The following CUX2 variants were observed in gnomAD, a reference collection of about 807,000 sequenced individuals.
The protein encoded by CUX2 is cut like homeobox 2, also known as homeobox protein cut-like 2.
Under a neutral mutation model 144.8 loss-of-function variants are expected in CUX2, and 40 were observed. The ratio of observed to expected loss-of-function variants is 0.28; its 90% confidence interval spans 0.21 to 0.36. The LOEUF (loss-of-function observed/expected upper bound fraction) is 0.36. CUX2 is among the 10% of genes least tolerant of loss of function. The pLI is 1.00. For synonymous variants in CUX2, 827 were observed against 875.6 expected, an observed-to-expected ratio of 0.94 and a Z score of 0.98; for missense variants, 1,615 against 1,994.0, an observed-to-expected ratio of 0.81 and a Z score of 3.62.
rs1487277544 is a variant in CUX2 at position 111,039,632 on chromosome 12, C to T, written c.63+5392C>T. ...TGCAATCTCAGCTCACTGCAACCTC[C>T]GCCTCCCGGGTTCACGTGATTCCCA... On this transcript the variant is annotated intron_variant, in intron 1 of 21. Coordinates refer to ENST00000261726, the MANE Select transcript of CUX2 (RefSeq NM_015267.4). The surrounding 1 kb of genome is among the most constrained non-coding windows in gnomAD (Gnocchi z 4.2). Among the ~76,000 whole-genome samples the T allele has an allele frequency of 2.0e-5, 3 of 152,164 alleles. No homozygotes were observed. Among genetic ancestry groups the T allele is most frequent in the African/African-American group, 4.8e-5 (2 of 41,440 alleles).
chr12:111,051,613 T>C (rs1294685035), intron 1 of CUX2, among the ~76,000 whole-genome samples: 1 of 152,172 alleles, frequency 6.6e-6, no homozygotes, highest in African/African-American at 2.4e-5. Context: ...TTTCCATCTG[T>C]TCATGCCTTT....
Position 111,197,233 on chromosome 12 carries a change from A to G in CUX2, c.64-16967A>G, listed in dbSNP as rs75156973. On this transcript the variant is annotated intron_variant, in intron 1 of 21. Transcript: ENST00000261726. ...GTGAGGCTCAGAGAATAATTCCTCT[A>G]AATCCCCTAGCTCAGTGCCTACCAC... is the stretch of plus-strand genomic sequence containing the variant. Among the ~76,000 whole-genome samples the G allele has an allele frequency of 4.0e-3, 604 of 152,352 alleles. 1 individual carries two copies. The highest frequency in any genetic ancestry group is 5.9e-3 in the Non-Finnish European group (404 of 68,034).
rs570560734 is a variant in CUX2, at chr12:111,202,184, G to A, written c.64-12016G>A. Reference sequence around the variant, plus strand: ...TTCCCCTGCCCCCATTTTGCCGGGGGAAGCACTCTCTGGCCTCTCACCCAG... The same window carrying A: ...TTCCCCTGCCCCCATTTTGCCGGGGAAAGCACTCTCTGGCCTCTCACCCAG... On this transcript the variant is annotated intron_variant, in intron 1 of 21. Coordinates refer to ENST00000261726, the MANE Select transcript of CUX2 (RefSeq NM_015267.4). 3.8e-4 allele frequency among the ~76,000 whole-genome samples: 58 copies of A among 152,306 alleles called. 1 individual carries two copies. Among genetic ancestry groups the A allele is most frequent in the Middle Eastern group, 3.4e-3 (1 of 294 alleles).
chr12:111,270,030 C>T (rs1010780061), intron 4 of CUX2, among the ~76,000 whole-genome samples: 2 of 152,148 alleles, frequency 1.3e-5, no homozygotes, highest in Admixed American at 6.5e-5. Context: ...TTAATGATTT[C>T]TTAGGGGAAT....
intron 1 of CUX2, among the ~76,000 whole-genome samples, chr12:111,193,260 C>T (rs893848047): frequency 1.3e-5 from 2 of 152,234 alleles, no homozygotes; most frequent in Non-Finnish European, 2.9e-5. Flanking sequence ...CCTGATTAGT[C>T]CCTCCAAATA....
intron 1 of CUX2, among the ~76,000 whole-genome samples, chr12:111,180,470 G>T (rs952001225): frequency 4.6e-5 from 7 of 152,204 alleles, no homozygotes; most frequent in Non-Finnish European, 1.5e-5. Context: ...GCCGCCAGCT[G>T]TCCCTGCAAA....
intron 1 of CUX2, among the ~76,000 whole-genome samples, chr12:111,140,802 C>T (rs1479420067): frequency 1.3e-5 from 2 of 152,230 alleles, no homozygotes; most frequent in Non-Finnish European, 2.9e-5. Flanking sequence ...CACTACCTCT[C>T]TGAGCTTCAG....
At chr12:111,095,647 G>A (rs1872772101) in intron 1 of CUX2, among the ~76,000 whole-genome samples, 1 of 152,108 alleles carries the variant, frequency 6.6e-6, no homozygotes, top group African/African-American at 2.4e-5. Context: ...GCATAGCAGT[G>A]CTCCCCTCCT....
chr12:111,300,884 A>T (rs1477437604), intron 9 of CUX2, among the ~76,000 whole-genome samples: 2 of 152,078 alleles, frequency 1.3e-5, no homozygotes, highest in African/African-American at 4.8e-5. Flanking sequence ...CAAAATATTT[A>T]AAAACTATCC....
At chr12:111,118,917 C>T (rs1874460613) in intron 1 of CUX2, among the ~76,000 whole-genome samples, 1 of 152,132 alleles carries the variant, frequency 6.6e-6, no homozygotes, top group South Asian at 2.1e-4. Flanking sequence ...TCCAAGCAAA[C>T]TCAGTGTGCA....
In CUX2 at chr12:111,334,644, T is replaced by C; in HGVS notation, c.3130T>C (p.Ser1044Pro). The change falls in exon 19 of 22, where the codon TCC becomes CCC. Residue 1044 changes from serine (S) to proline (P), a missense_variant. By Grantham distance (74) the Ser-to-Pro change is moderately conservative (BLOSUM62 -1). Coordinates refer to ENST00000261726, the MANE Select transcript of CUX2 (RefSeq NM_015267.4). ...PGGIQEIVAM[S>P]PELDTYSITK... is the part of the protein sequence containing the mutation. ...GGGCATCCAGGAGATCGTGGCCATG[T>C]CCCCCGAGCTGGACACGTACTCCAT... The C allele has an allele frequency of 6.2e-7, 1 of 1,613,894 alleles. No individual in the cohort carries two copies. Among genetic ancestry groups the C allele is most frequent in the Non-Finnish European group, 8.5e-7 (1 of 1,179,994 alleles).
At chr12:111,122,687 A>G (rs1472993042) in intron 1 of CUX2, among the ~76,000 whole-genome samples, 2 of 152,236 alleles carry the variant, frequency 1.3e-5, no homozygotes, top group Non-Finnish European at 2.9e-5. Context: ...AAGTCAGGGA[A>G]AAAAGTTATG....
intron 6 of CUX2, among the ~76,000 whole-genome samples, chr12:111,294,290 C>T (rs1592928776): frequency 6.6e-6 from 1 of 152,222 alleles, no homozygotes; most frequent in Non-Finnish European, 1.5e-5. Context: ...GTATTTTTAG[C>T]AGAGACAGGA....
chr12:111,257,733 C>T (rs1028556299), intron 3 of CUX2, among the ~76,000 whole-genome samples: 2 of 145,096 alleles, frequency 1.4e-5, no homozygotes, highest in Non-Finnish European at 3.0e-5. Flanking sequence ...TCTTCCTCTT[C>T]CTCCTCTTTC....
At chr12:111,162,800 C>T (rs906586636) in intron 1 of CUX2, among the ~76,000 whole-genome samples, 1 of 152,150 alleles carries the variant, frequency 6.6e-6, no homozygotes, top group Non-Finnish European at 1.5e-5. Context: ...AATCCCAGCA[C>T]TTTGGGAGGC....
At chr12:111,288,355 A>G (rs1011985900) in intron 4 of CUX2, among the ~76,000 whole-genome samples, 8 of 152,064 alleles carry the variant, frequency 5.3e-5, no homozygotes, top group African/African-American at 1.9e-4. Context: ...CAGCCCCATG[A>G]GGTTGCTACA....
intron 4 of CUX2, among the ~76,000 whole-genome samples, chr12:111,276,959 A>G (rs1884909958): frequency 6.6e-6 from 1 of 152,068 alleles, no homozygotes; most frequent in South Asian, 2.1e-4. Context: ...TTGTTTCCAT[A>G]TTTTAAGTGA....
chr12:111,308,652 C>CA (rs1436421738), intron 14 of CUX2, 126 bp downstream of exon 14: 4 of 786,082 alleles, frequency 5.1e-6, no homozygotes, highest in Non-Finnish European at 8.2e-6. Flanking sequence ...AACAGGTGTG[C>CA]ATTGATTTGG....
intron 1 of CUX2, among the ~76,000 whole-genome samples, chr12:111,145,525 T>G (rs1876610131): frequency 6.6e-6 from 1 of 151,752 alleles, no homozygotes; most frequent in Admixed American, 6.6e-5. Flanking sequence ...TACGCCACCA[T>G]GCCCAACTAA....
Sources: allele counts gnomAD v4.1 joint callset (sites outside exome capture counted in the v4.1 genomes callset), GRCh38; gene constraint gnomAD v4.1.1; non-coding constraint Gnocchi (gnomAD v3.1); transcripts MANE v1.5; gene names NCBI Gene and HGNC (gene_info 2026-07-23, HGNC 2026-07-21).